Variants in GRM7 observed in about 807,000 individuals in gnomAD.
GRM7 encodes metabotropic glutamate receptor 7.
Under a neutral mutation model 84.5 loss-of-function variants are expected in GRM7, and 35 were observed. The ratio of observed to expected loss-of-function variants is 0.41; its 90% CI spans 0.32 to 0.55. GRM7 has a LOEUF of 0.55. GRM7 is among the 20% of genes least tolerant of loss of function. The pLI is 0.19. For missense variants in GRM7, 1,003 were observed against 1,194.6 expected (o/e 0.84, Z 2.36); for synonymous variants, 487 against 455.1 (o/e 1.07, Z -0.89).
chr3:7,109,167 C>T (rs1692758545), intron 1 of GRM7, among the ~76,000 whole-genome samples: 1 of 151,930 alleles, frequency 6.6e-6, no homozygotes, highest in African/African-American at 2.4e-5. Context: ...AGTTGAGGTA[C>T]AGTTTAGTTC....
intron 4 of GRM7, among the ~76,000 whole-genome samples, chr3:7,327,841 CA>C: frequency 6.6e-6 from 1 of 152,320 alleles, no homozygotes; most frequent in East Asian, 1.9e-4. Context: ...CACCTAATTT[CA>C]AAAGCAACCA....
intron 1 of GRM7, among the ~76,000 whole-genome samples, chr3:6,980,604 T>C (rs1415205728): frequency 2.0e-5 from 3 of 152,194 alleles, no homozygotes; most frequent in Non-Finnish European, 2.9e-5. Flanking sequence ...ATTAGTTTTA[T>C]AAATGCAGTA....
chr3:7,359,589 A>G (rs1693573309), intron 4 of GRM7, among the ~76,000 whole-genome samples: 1 of 146,948 alleles, frequency 6.8e-6, no homozygotes, highest in South Asian at 2.1e-4. Context: ...CCTGCCTTGG[A>G]CTCCCAAAGT....
At chr3:7,136,632 C>A (rs908335816) in intron 1 of GRM7, among the ~76,000 whole-genome samples, 13 of 152,164 alleles carry the variant, frequency 8.5e-5, no homozygotes, top group African/African-American at 3.1e-4. Context: ...GAAAAACTCC[C>A]AAATACTGTG....
At chr3:7,679,474 G>T (rs1489761191) in intron 8 of GRM7, among the ~76,000 whole-genome samples, 2 of 151,956 alleles carry the variant, frequency 1.3e-5, no homozygotes, top group Non-Finnish European at 2.9e-5. Context: ...TTGTTCACTT[G>T]TCACTTGTGT....
chr3:6,926,679 G>A (rs1697309693), intron 1 of GRM7, among the ~76,000 whole-genome samples: 1 of 150,356 alleles, frequency 6.7e-6, no homozygotes, highest in Admixed American at 6.6e-5. Context: ...AGCTTGGCCT[G>A]TTTCTTGCAA....
chr3:7,567,604 G>C (rs1694365537), intron 7 of GRM7, among the ~76,000 whole-genome samples: 1 of 151,734 alleles, frequency 6.6e-6, no homozygotes, highest in Admixed American at 6.6e-5. Context: ...AAAATTAGCT[G>C]GGCATGATGG....
Position 6,861,357 on chromosome 3 carries a change from G to T in GRM7, c.-32G>T. 1 of 1,467,030 alleles carries T rather than the reference G, an allele frequency of 6.8e-7. No individual in the cohort carries two copies. Among genetic ancestry groups the T allele is most frequent in the Non-Finnish European group, 8.9e-7 (1 of 1,119,516 alleles). The allele number at this position is 1,467,030 out of a possible 1,614,324, so 90.9% of individuals were successfully genotyped here. ...CGAGCCCACCACCGTTCCCTCCAGCGCCGCCGCCGCCACCGCAGCAGCCGG... is the reference window on the plus strand; with the variant it reads ...CGAGCCCACCACCGTTCCCTCCAGCTCCGCCGCCGCCACCGCAGCAGCCGG... On this transcript the variant is annotated 5_prime_UTR_variant, in exon 1 of 10. Transcript: ENST00000357716. This position sits in a 1 kb window ranked among gnomAD's most constrained non-coding sequence, Gnocchi z 6.4.
chr3:7,301,150 CTT>C (rs1699986010), intron 3 of GRM7, among the ~76,000 whole-genome samples: 1 of 129,286 alleles, frequency 7.7e-6, no homozygotes, highest in African/African-American at 2.5e-5. Flanking sequence ...CCATCATGGT[CTT>C]TGCTCACGAT....
chr3:7,459,738 A>G (rs1422232010), intron 6 of GRM7, among the ~76,000 whole-genome samples: 1 of 152,154 alleles, frequency 6.6e-6, no homozygotes, highest in Non-Finnish European at 1.5e-5. Context: ...GCTACAATTC[A>G]AGATGAGATT....
chr3:7,039,786 T>C (rs900581406), intron 1 of GRM7, among the ~76,000 whole-genome samples: 1 of 152,188 alleles, frequency 6.6e-6, no homozygotes, highest in Non-Finnish European at 1.5e-5. Flanking sequence ...TGATCTATTA[T>C]TGCCGATCGG....
intron 7 of GRM7, among the ~76,000 whole-genome samples, chr3:7,569,704 C>G (rs553665085): frequency 6.6e-6 from 1 of 152,094 alleles, no homozygotes; most frequent in Non-Finnish European, 1.5e-5. Context: ...ACTCCTGAAG[C>G]CAGCGAGACC....
At chr3:7,074,593 CA>C (rs1185253925) in intron 1 of GRM7, among the ~76,000 whole-genome samples, 12 of 151,646 alleles carry the variant, frequency 7.9e-5, no homozygotes, top group Admixed American at 1.3e-4. Context: ...CTAATAACCA[CA>C]AAAAAAGGGA....
chr3:6,922,528 T>C (rs1697161775), intron 1 of GRM7, among the ~76,000 whole-genome samples: 1 of 152,184 alleles, frequency 6.6e-6, no homozygotes, highest in African/African-American at 2.4e-5. Flanking sequence ...AAGATTCTGG[T>C]TTTTAAATTT....
rs1221590225 is a variant in GRM7, at chr3:7,578,714, T to C, written c.1808T>C (p.Ile603Thr). The change falls in exon 8 of 10, where the codon ATT becomes ACT. Residue 603 changes from isoleucine to threonine, a missense_variant. Around this residue, in one of 2 missense-constraint regions of GRM7, gnomAD observed 910 missense variants for 1,126.0 expected, o/e 0.81. Coordinates refer to ENST00000357716, the MANE Select transcript of GRM7 (RefSeq NM_000844.4). ...IPVFLAMLGI[I>T]ATIFVMATFI... The stretch of plus-strand genomic sequence containing the variant: ...GTCTTCCTGGCAATGTTGGGGATCA[T>C]TGCCACCATCTTTGTCATGGCCACT... 2.5e-6 allele frequency: 4 copies of C among 1,614,042 alleles called. No individual in the cohort carries two copies. The Admixed American group carries it at 6.7e-5, about 27-fold the overall frequency.
intron 8 of GRM7, among the ~76,000 whole-genome samples, chr3:7,605,233 G>A (rs753163083): frequency 6.6e-6 from 1 of 151,988 alleles, no homozygotes; most frequent in Non-Finnish European, 1.5e-5. Flanking sequence ...AAAAACAAAA[G>A]CTCTCTGTAG....
At chr3:7,644,022 A>ACT in intron 8 of GRM7, among the ~76,000 whole-genome samples, 1 of 43,992 alleles carries the variant, frequency 2.3e-5, no homozygotes, top group Admixed American at 2.2e-4. Flanking sequence ...ATATATATAC[A>ACT]CACACACACA....
At chr3:7,441,937 C>T (rs1697305939) in intron 5 of GRM7, among the ~76,000 whole-genome samples, 1 of 150,874 alleles carries the variant, frequency 6.6e-6, no homozygotes, top group Non-Finnish European at 1.5e-5. Context: ...GTTCTTTTTG[C>T]TTAGGATTGC....
chr3:7,625,730 T>G (rs1048204593), intron 8 of GRM7, among the ~76,000 whole-genome samples: 6 of 152,174 alleles, frequency 3.9e-5, no homozygotes, highest in Admixed American at 3.9e-4. Flanking sequence ...GCTTCTGCCC[T>G]GACTTCTGCA....
Sources: gnomAD v4.1 joint callset for allele counts (sites outside exome capture counted in the v4.1 genomes callset) on GRCh38, gnomAD v4.1.1 for gene constraint, gnomAD v4.1.1 regional missense constraint, Gnocchi (gnomAD v3.1) non-coding constraint, MANE v1.5 for transcripts, NCBI Gene and HGNC (gene_info 2026-07-23, HGNC 2026-07-21) for gene names.